The following PTPN5 variants were observed in gnomAD, a reference collection of about 807,000 sequenced individuals.
PTPN5 encodes the protein protein tyrosine phosphatase non-receptor type 5, also known as tyrosine-protein phosphatase non-receptor type 5.
In PTPN5, 29 loss-of-function variants were observed where a neutral mutation model predicts 73.9. The ratio of observed to expected loss-of-function variants is 0.39; its 90% CI spans 0.29 to 0.54. The LOEUF (loss-of-function observed/expected upper bound fraction) is 0.54. Ranked by LOEUF, PTPN5 falls within the 20% of genes least tolerant of loss-of-function variation. The pLI is 0.65. For synonymous variants in PTPN5, 267 were observed against 304.7 expected, an observed-to-expected ratio of 0.88 and a Z score of 1.29; for missense variants, 652 against 751.4, an observed-to-expected ratio of 0.87 and a Z score of 1.55.
intron 8 of PTPN5, among the ~76,000 whole-genome samples, chr11:18,739,747 T>C (rs1438596596): frequency 6.6e-6 from 1 of 152,224 alleles, no homozygotes; most frequent in Non-Finnish European, 1.5e-5. Flanking sequence ...TCTTGCCTTT[T>C]CCTGCTCACA....
At chr11:18,734,586 G>A (rs1410723122) in intron 9 of PTPN5, among the ~76,000 whole-genome samples, 3 of 151,996 alleles carry the variant, frequency 2.0e-5, no homozygotes, top group South Asian at 2.1e-4. Context: ...CTCCTACCTC[G>A]GCCTCTCAAT....
At chr11:18,771,872 C>A in intron 2 of PTPN5, 67 bp downstream of exon 2, 1 of 1,393,850 alleles carries the variant, frequency 7.2e-7, no homozygotes, top group Non-Finnish European at 1.0e-6. Flanking sequence ...CCCAGAGCAT[C>A]CAGATGGAGA....
At chr11:18,789,613 C>T (rs1352442796) in intron 1 of PTPN5, among the ~76,000 whole-genome samples, 1 of 152,180 alleles carries the variant, frequency 6.6e-6, no homozygotes, top group Middle Eastern at 3.2e-3. Flanking sequence ...GGCTCAGCTC[C>T]ATGATGAGCT....
intron 2 of PTPN5, among the ~76,000 whole-genome samples, chr11:18,768,118 A>C (rs1850719134): frequency 6.6e-6 from 1 of 152,262 alleles, no homozygotes; most frequent in Non-Finnish European, 1.5e-5. Flanking sequence ...TGTTCAATAA[A>C]TAAACACTTA....
chr11:18,754,332 G>A (rs1850030687), intron 3 of PTPN5, among the ~76,000 whole-genome samples: 1 of 152,152 alleles, frequency 6.6e-6, no homozygotes, highest in Admixed American at 6.6e-5. Context: ...CAACAACTCC[G>A]AACGGAGAAA....
At chr11:18,756,294 CTTTTTTTTTT>C (rs552226983) in intron 3 of PTPN5, among the ~76,000 whole-genome samples, 1 of 111,036 alleles carries the variant, frequency 9.0e-6, no homozygotes, top group African/African-American at 3.4e-5. Context: ...ACATCCTTCA[CTTTTTTTTTT>C]TTTTTTTTTT....
chr11:18,789,336 T>C (rs761626546), intron 1 of PTPN5, among the ~76,000 whole-genome samples: 1 of 152,170 alleles, frequency 6.6e-6, no homozygotes, highest in East Asian at 1.9e-4. Context: ...CGCCAAATAG[T>C]TCATAACATC....
chr11:18,780,614 G>A (rs886498214), intron 1 of PTPN5, among the ~76,000 whole-genome samples: 1 of 152,106 alleles, frequency 6.6e-6, no homozygotes, highest in African/African-American at 2.4e-5. Flanking sequence ...GTGAGTCTAG[G>A]GTGTGTTGAC....
At position 18,742,804 on chromosome 11, in the gene PTPN5, C is replaced by T. The variant is rs1365261982; in HGVS notation, c.483+188G>A. ...CTCATCCCCTTTCCTTAGCCCAGAT[C>T]ACTGCAAACCAATTTTCGGAAAGAA... On this transcript the variant is annotated intron_variant, in intron 6 of 14. Transcript: ENST00000358540. This position sits in a 1 kb window ranked among gnomAD's most constrained non-coding sequence, Gnocchi z 4.1. Among the ~76,000 whole-genome samples the T allele has an allele frequency of 6.6e-6, 1 of 152,198 alleles. No individual in the cohort carries two copies. The highest frequency in any genetic ancestry group is 1.9e-4 in the East Asian group (1 of 5,194).
chr11:18,759,886 C>A (rs1002966640), intron 3 of PTPN5, among the ~76,000 whole-genome samples: 3 of 152,044 alleles, frequency 2.0e-5, no homozygotes, highest in Non-Finnish European at 4.4e-5. Context: ...ATAAGCACCA[C>A]TCTGGGGAGC....
At chr11:18,773,402 T>C (rs1243431922) in intron 1 of PTPN5, among the ~76,000 whole-genome samples, 4 of 151,988 alleles carry the variant, frequency 2.6e-5, no homozygotes, top group African/African-American at 7.3e-5. Context: ...GCCTGGTGTG[T>C]GGGTGGGTGG....
chr11:18,760,616 C>T (rs1697725477), intron 3 of PTPN5, among the ~76,000 whole-genome samples: 1 of 152,248 alleles, frequency 6.6e-6, no homozygotes, highest in African/African-American at 2.4e-5. Flanking sequence ...TCAGCATACT[C>T]ATGACCTTGC....
At chr11:18,762,643 CTTAT>C (rs926379953) in intron 3 of PTPN5, among the ~76,000 whole-genome samples, 3 of 152,134 alleles carry the variant, frequency 2.0e-5, no homozygotes, top group Non-Finnish European at 2.9e-5. Context: ...GCATGACTTA[CTTAT>C]TTTATTTGTT....
intron 3 of PTPN5, among the ~76,000 whole-genome samples, chr11:18,756,930 AAAAAAAC>A (rs1198253994): frequency 2.7e-5 from 4 of 148,918 alleles, no homozygotes; most frequent in African/African-American, 4.9e-5. Context: ...TCAAAAAAAA[AAAAAAAC>A]CAAAAAACAA....
chr11:18,753,043 T>C (rs1849963400), intron 3 of PTPN5, among the ~76,000 whole-genome samples: 1 of 152,254 alleles, frequency 6.6e-6, no homozygotes, highest in Non-Finnish European at 1.5e-5. Flanking sequence ...TGTGGATATC[T>C]GGAAAGTCTA....
chr11:18,772,090 G>C lies in PTPN5; in HGVS notation c.-113-19C>G, dbSNP rs527460110. ...CATCCAGCTGGGAAAACGGGGCAAA[G>C]AGAGATTAAGTGACTAGTCTCAGGT... is the stretch of plus-strand genomic sequence containing the variant. On this transcript the variant is annotated intron_variant, in intron 1 of 14. Coordinates refer to ENST00000358540, the MANE Select transcript of PTPN5 (RefSeq NM_006906.2). 396 of 636,398 alleles carry C rather than the reference G, an allele frequency of 6.2e-4. 8 individuals are homozygous for C. In the South Asian group the frequency reaches 8.0e-3, roughly 13 times the overall value. 39.4% of individuals were successfully genotyped at this position (636,398 alleles called of 1,614,324 possible). A position where few individuals can be genotyped will look rare whatever the true frequency, so the allele number is the denominator to read the frequency against.
intron 3 of PTPN5, among the ~76,000 whole-genome samples, chr11:18,759,117 C>T (rs1850277134): frequency 6.6e-6 from 1 of 152,140 alleles, no homozygotes; most frequent in Non-Finnish European, 1.5e-5. Context: ...TAGAACTGGC[C>T]TGGACCTGAC....
chr11:18,759,485 A>C (rs138260770), intron 3 of PTPN5, among the ~76,000 whole-genome samples: 3 of 152,308 alleles, frequency 2.0e-5, no homozygotes, highest in African/African-American at 4.8e-5. Flanking sequence ...CTGGTGTCTG[A>C]GAATAGTTAG....
chr11:18,777,972 AAGG>A (rs1851240664), intron 1 of PTPN5, among the ~76,000 whole-genome samples: 1 of 87,388 alleles, frequency 1.1e-5, no homozygotes, highest in East Asian at 4.6e-4. Context: ...GGAAGGAAGG[AAGG>A]AAGAAAGAAA....
Sources: gnomAD v4.1 joint callset for allele counts (sites outside exome capture counted in the v4.1 genomes callset) on GRCh38, gnomAD v4.1.1 for gene constraint, Gnocchi (gnomAD v3.1) non-coding constraint, MANE v1.5 for transcripts, NCBI Gene and HGNC (gene_info 2026-07-23, HGNC 2026-07-21) for gene names.